The following FOXN3 variants were observed in gnomAD, a reference collection of about 807,000 sequenced individuals.
FOXN3 encodes forkhead box N3, also known as forkhead box protein N3.
Under a neutral mutation model 38.4 loss-of-function variants are expected in FOXN3, and 7 were observed. The observed-to-expected ratio is 0.18, with a 90% CI of 0.10 to 0.34. The LOEUF (loss-of-function observed/expected upper bound fraction) is 0.34. FOXN3 is among the 10% of genes least tolerant of loss of function. FOXN3 has a pLI of 1.00. For synonymous variants in FOXN3, 230 were observed against 242.2 expected (o/e 0.95, Z 0.47); for missense variants, 456 against 613.4 (o/e 0.74, Z 2.71).
At chr14:89,238,560 C>T (rs1342478656) in intron 4 of FOXN3, among the ~76,000 whole-genome samples, 1 of 152,222 alleles carries the variant, frequency 6.6e-6, no homozygotes, top group Non-Finnish European at 1.5e-5. Flanking sequence ...CTCAATGCCA[C>T]TAGCCACACA....
intron 2 of FOXN3, among the ~76,000 whole-genome samples, chr14:89,362,963 G>T (rs1189982321): frequency 1.3e-5 from 2 of 152,142 alleles, no homozygotes; most frequent in Non-Finnish European, 2.9e-5. Flanking sequence ...GAGTTGGGCA[G>T]GGCCCTGTGA....
chr14:89,617,454 T>C (rs771356282), intron 1 of FOXN3, among the ~76,000 whole-genome samples: 5 of 152,274 alleles, frequency 3.3e-5, no homozygotes, highest in African/African-American at 4.8e-5. Context: ...CCTTTCACTG[T>C]CACAGTTTTA....
chr14:89,251,385 C>T (rs971630656), intron 4 of FOXN3, among the ~76,000 whole-genome samples: 7 of 152,246 alleles, frequency 4.6e-5, no homozygotes, highest in Non-Finnish European at 1.5e-5. Flanking sequence ...GCTTGGGCCT[C>T]CAAGCTTTCT....
chr14:89,456,288 T>C (rs1596281181), intron 1 of FOXN3, among the ~76,000 whole-genome samples: 1 of 151,560 alleles, frequency 6.6e-6, no homozygotes, highest in East Asian at 1.9e-4. Flanking sequence ...GTGCCCCTAC[T>C]CTCCTAATTT....
At chr14:89,588,729 A>G (rs547899025) in intron 1 of FOXN3, among the ~76,000 whole-genome samples, 74 of 152,274 alleles carry the variant, frequency 4.9e-4, no homozygotes, top group African/African-American at 1.7e-3. Flanking sequence ...AAGTATGAAG[A>G]TATGTGATTT....
At position 89,164,360 on chromosome 14, in the gene FOXN3, G is replaced by T. The variant is rs77815294; in HGVS notation, c.852-1391C>A. 0.011 allele frequency among the ~76,000 whole-genome samples: 1,665 copies of T among 152,300 alleles called. 32 individuals are homozygous for T. Among genetic ancestry groups the T allele is most frequent in the African/African-American group, 0.038 (1,600 of 41,562 alleles). On this transcript the variant is annotated intron_variant, in intron 5 of 5. Coordinates refer to ENST00000557258, the MANE Select transcript of FOXN3 (RefSeq NM_005197.4). The surrounding 1 kb of genome is among the most constrained non-coding windows in gnomAD (Gnocchi z 4.3). ...TTGGCAGGGATGGGAACTGTTCTAT[G>T]GCACCATGCTGGCCCGGTTTCCTGT...
At position 89,484,166 on chromosome 14, in the gene FOXN3, C is replaced by G. The variant is rs1893397525; in HGVS notation, c.-14-71676G>C. Among the ~76,000 whole-genome samples, 1 of 152,086 alleles carries G rather than the reference C, an allele frequency of 6.6e-6. No homozygotes were observed. Among genetic ancestry groups the G allele is most frequent in the South Asian group, 2.1e-4 (1 of 4,818 alleles). Reference sequence around the variant, plus strand: ...AATTCGCTTTCTCACTCCAGAAAATCCCCCCTTCTGCTCCTTCCTATTCTA... The same window carrying G: ...AATTCGCTTTCTCACTCCAGAAAATGCCCCCTTCTGCTCCTTCCTATTCTA... On this transcript the variant is annotated intron_variant, in intron 1 of 6. Coordinates refer to the FOXN3 transcript ENST00000345097. The surrounding 1 kb of genome is among the most constrained non-coding windows in gnomAD (Gnocchi z 4.0).
At chr14:89,566,446 TA>T (rs58034619) in intron 1 of FOXN3, among the ~76,000 whole-genome samples, 4 of 151,798 alleles carry the variant, frequency 2.6e-5, no homozygotes, top group African/African-American at 4.8e-5. Flanking sequence ...ATAATTTTTT[TA>T]AAAAAAAATG....
chr14:89,193,074 G>A (rs971765096), intron 4 of FOXN3, among the ~76,000 whole-genome samples: 11 of 152,216 alleles, frequency 7.2e-5, no homozygotes, highest in African/African-American at 2.6e-4. Flanking sequence ...CCTTTCTCAG[G>A]GGGTAGCCAA....
chr14:89,468,456 A>AACACACAC (rs550963380), intron 1 of FOXN3, among the ~76,000 whole-genome samples: 4 of 148,622 alleles, frequency 2.7e-5, no homozygotes, highest in South Asian at 2.1e-4. Context: ...TGTGTCTCAA[A>AACACACAC]ACACACACAC....
intron 1 of FOXN3, among the ~76,000 whole-genome samples, chr14:89,438,905 C>T (rs1246180347): frequency 6.6e-6 from 1 of 152,054 alleles, no homozygotes; most frequent in Non-Finnish European, 1.5e-5. Context: ...GGATTACAGG[C>T]ATGCACCACC....
intron 3 of FOXN3, among the ~76,000 whole-genome samples, chr14:89,330,972 A>G (rs1254488761): frequency 1.3e-5 from 2 of 152,258 alleles, no homozygotes; most frequent in Non-Finnish European, 2.9e-5. Flanking sequence ...AGGTCTGTCT[A>G]CAAGAAATGC....
chr14:89,457,985 G>A (rs1312476413), intron 1 of FOXN3, among the ~76,000 whole-genome samples: 1 of 144,038 alleles, frequency 6.9e-6, no homozygotes, highest in Non-Finnish European at 1.5e-5. Context: ...AGCCAAGATT[G>A]CGCCATCGCA....
chr14:89,212,867 C>T (rs1390701815), intron 4 of FOXN3, among the ~76,000 whole-genome samples: 5 of 152,122 alleles, frequency 3.3e-5, no homozygotes, highest in Non-Finnish European at 5.9e-5. Context: ...AGGTTTGACA[C>T]CGCTAAGGAG....
chr14:89,319,050 C>CA (rs1464014834), intron 3 of FOXN3, among the ~76,000 whole-genome samples: 7 of 152,292 alleles, frequency 4.6e-5, no homozygotes, highest in African/African-American at 1.4e-4. Flanking sequence ...ACTTCTGAGA[C>CA]AAAATCAATA....
At chr14:89,592,509 CA>C (rs1895978290) in intron 1 of FOXN3, among the ~76,000 whole-genome samples, 1 of 152,092 alleles carries the variant, frequency 6.6e-6, no homozygotes, top group African/African-American at 2.4e-5. Context: ...AATCTGTTCA[CA>C]TAGAAAAGAT....
rs146649225 is a variant in FOXN3 at position 89,408,469 on chromosome 14, G to A, written c.543+3465C>T. On this transcript the variant is annotated intron_variant, in intron 2 of 5. Transcript: ENST00000557258. ...AGAGACATACATGTTGCCCAGGCTG[G>A]TCTCAAACTCCTGCACTCAAGCAAT... Among the ~76,000 whole-genome samples the A allele has an allele frequency of 1.3e-4, 20 of 151,490 alleles. No homozygotes were observed. In the East Asian group the frequency reaches 3.7e-3, roughly 28 times the overall value.
intron 1 of FOXN3, among the ~76,000 whole-genome samples, chr14:89,596,061 A>G (rs1417279048): frequency 6.6e-6 from 1 of 152,208 alleles, no homozygotes; most frequent in African/African-American, 2.4e-5. Flanking sequence ...CAACTTGATC[A>G]TGATGGAGTA....
Position 89,319,277 on chromosome 14 carries a change from A to G in FOXN3, c.680+31395T>C, listed in dbSNP as rs1278618384. Reference sequence around the variant, plus strand: ...ACAGCGTACAGTCATGCTCATGGCTATGATTTATTTCAGCAAAAGGATATG... The same window carrying G: ...ACAGCGTACAGTCATGCTCATGGCTGTGATTTATTTCAGCAAAAGGATATG... On this transcript the variant is annotated intron_variant, in intron 3 of 5. Transcript: ENST00000557258. Among the ~76,000 whole-genome samples the G allele has an allele frequency of 2.6e-5, 4 of 152,158 alleles. 1 individual carries two copies. Among genetic ancestry groups the G allele is most frequent in the Admixed American group, 1.3e-4 (2 of 15,272 alleles).
Sources: allele counts gnomAD v4.1 joint callset (sites outside exome capture counted in the v4.1 genomes callset), GRCh38; gene constraint gnomAD v4.1.1; non-coding constraint Gnocchi (gnomAD v3.1); transcripts MANE v1.5; gene names NCBI Gene and HGNC (gene_info 2026-07-23, HGNC 2026-07-21).